SUPV3L1: variants seen among roughly 807,000 people sequenced by gnomAD.
SUPV3L1 encodes the protein Suv3 like RNA helicase, also known as ATP-dependent RNA helicase SUPV3L1, mitochondrial.
SUPV3L1 carries 35 observed loss-of-function variants against 70.0 expected under a neutral mutation model. That is an observed-to-expected ratio of 0.50 (90% confidence interval 0.38 to 0.66). The LOEUF (loss-of-function observed/expected upper bound fraction) is 0.66, where lower values mean the gene tolerates loss of function less well. SUPV3L1 is among the 30% of genes least tolerant of loss of function. SUPV3L1 has a pLI of 0.00. For missense variants in SUPV3L1, 777 were observed against 961.5 expected (o/e 0.81, Z 2.54); for synonymous variants, 364 against 341.9 (o/e 1.06, Z -0.71).
At chr10:69,183,418 C>T (rs1377119498) in intron 1 of SUPV3L1, among the ~76,000 whole-genome samples, 1 of 152,172 alleles carries the variant, frequency 6.6e-6, no homozygotes, top group African/African-American at 2.4e-5. Context: ...GTGTCTCGTG[C>T]CTGCAATCCC....
chr10:69,197,157 G>A, intron 8 of SUPV3L1, 74 bp downstream of exon 8: 3 of 1,245,886 alleles, frequency 2.4e-6, no homozygotes, highest in Middle Eastern at 1.9e-4. Context: ...GGCTTCAGAG[G>A]CCCTAGATAA....
At position 69,208,710 on chromosome 10, in the gene SUPV3L1, T is replaced by C. The variant is rs1404212496; in HGVS notation, c.2036T>C (p.Met679Thr). The change falls in exon 15 of 15, where the codon ATG (methionine) becomes ACG (threonine). Residue 679 changes from methionine (M) to threonine (T), a missense_variant. This residue lies in a region of SUPV3L1 where 619 missense variants were observed against 823.3 expected (regional missense o/e 0.75). Transcript: ENST00000359655. ...GVHNITKLIK[M>T]SETHKLLNLE... is the part of the protein sequence containing the mutation. Reference sequence around the variant, plus strand: ...CACAATATCACTAAATTGATTAAAATGTCTGAGACGCATAAGCTGTTGAAT... The same window carrying C: ...CACAATATCACTAAATTGATTAAAACGTCTGAGACGCATAAGCTGTTGAAT... 1 of 1,614,196 alleles carries C rather than the reference T, an allele frequency of 6.2e-7. No homozygotes were observed. Among genetic ancestry groups the C allele is most frequent in the East Asian group, 2.2e-5 (1 of 44,884 alleles).
chr10:69,204,502 G>A (rs1303134209), intron 13 of SUPV3L1, among the ~76,000 whole-genome samples: 1 of 152,076 alleles, frequency 6.6e-6, no homozygotes, highest in Non-Finnish European at 1.5e-5. Context: ...GATTGCTTAA[G>A]CCTAGGAGTT....
Position 69,180,277 on chromosome 10 carries a change from G to T in SUPV3L1, c.-15G>T. Reference sequence around the variant, plus strand: ...GTCCGCGGCTGCGCCAGACAGTGTAGAACCTGCGGCCTCGATGTCCTTCTC... The same window carrying T: ...GTCCGCGGCTGCGCCAGACAGTGTATAACCTGCGGCCTCGATGTCCTTCTC... On this transcript the variant is annotated 5_prime_UTR_variant, in exon 1 of 15. Coordinates refer to ENST00000359655, the MANE Select transcript of SUPV3L1 (RefSeq NM_003171.5). 1 of 1,611,956 alleles carries T rather than the reference G, an allele frequency of 6.2e-7. No homozygotes were observed. Among genetic ancestry groups the T allele is most frequent in the Non-Finnish European group, 8.5e-7 (1 of 1,179,344 alleles).
chr10:69,195,503 A>G (rs1168521108), intron 7 of SUPV3L1: 2 of 371,060 alleles, frequency 5.4e-6, no homozygotes, highest in Non-Finnish European at 9.5e-6. Flanking sequence ...TTCAAATCTC[A>G]TATTTACACA....
intron 1 of SUPV3L1, among the ~76,000 whole-genome samples, chr10:69,185,224 A>T (rs1842186105): frequency 6.6e-6 from 1 of 152,158 alleles, no homozygotes; most frequent in Non-Finnish European, 1.5e-5. Context: ...GCACAAAACA[A>T]GTGTAATCTT....
At chr10:69,182,109 C>G (rs893852544) in intron 1 of SUPV3L1, among the ~76,000 whole-genome samples, 1 of 151,740 alleles carries the variant, frequency 6.6e-6, no homozygotes, top group Non-Finnish European at 1.5e-5. Flanking sequence ...ATCCTCCTGG[C>G]TCAGCCTTCT....
chr10:69,187,534 C>A, intron 3 of SUPV3L1, 108 bp from the exon 4 acceptor site: 2 of 695,106 alleles, frequency 2.9e-6, no homozygotes, highest in Non-Finnish European at 2.4e-6. Context: ...TTTCTTTTTA[C>A]CCTGGCAGTG....
intron 6 of SUPV3L1, among the ~76,000 whole-genome samples, 166 bp from the exon 7 acceptor site, chr10:69,195,022 G>A (rs1311722084): frequency 6.6e-6 from 1 of 152,098 alleles, no homozygotes; most frequent in Non-Finnish European, 1.5e-5. Flanking sequence ...TTAAAGAGGA[G>A]GTACTTAAGA....
intron 11 of SUPV3L1, 42 bp downstream of exon 11, chr10:69,200,541 A>C (rs918968073): frequency 1.3e-6 from 2 of 1,518,774 alleles, no homozygotes; most frequent in African/African-American, 1.4e-5. Flanking sequence ...TGTGGAGGAG[A>C]GTCATTCTTT....
rs1842266132 is a variant in SUPV3L1, at chr10:69,187,546, C to T, written c.458-96C>T. 6.4e-6 allele frequency: 5 copies of T among 786,244 alleles called. No homozygotes were observed. The South Asian group carries it at 9.0e-5, about 14-fold the overall frequency. The allele number at this position is 786,244 out of a possible 1,614,324, so 48.7% of individuals were successfully genotyped here. Reference sequence around the variant, plus strand: ...ACTTTTCTTTTTACCCTGGCAGTGCCCCCGCAACTTAGCTTGTTAAGAAAA... The same window carrying T: ...ACTTTTCTTTTTACCCTGGCAGTGCTCCCGCAACTTAGCTTGTTAAGAAAA... On this transcript the variant is annotated intron_variant, in intron 3 of 14. Coordinates refer to ENST00000359655, the MANE Select transcript of SUPV3L1 (RefSeq NM_003171.5).
intron 6 of SUPV3L1, chr10:69,192,542 T>C (rs1051231701): frequency 2.6e-5 from 4 of 152,262 alleles, no homozygotes; most frequent in African/African-American, 4.8e-5. Flanking sequence ...TCTAGTCTTA[T>C]TGAAGTATCT....
chr10:69,188,137 T>C (rs1260022969), intron 4 of SUPV3L1, among the ~76,000 whole-genome samples: 1 of 152,190 alleles, frequency 6.6e-6, no homozygotes, highest in Admixed American at 6.5e-5. Flanking sequence ...ACTGAAACCC[T>C]TGGTAGGCTG....
rs1013967479 is a variant in SUPV3L1 at position 69,183,699 on chromosome 10, A to T, written c.272-2288A>T. ...CCCTGTCTCAAATAAAAAAAGAAAGATACAATTTTAATTTACATACTAGAA... is the reference window on the plus strand; with the variant it reads ...CCCTGTCTCAAATAAAAAAAGAAAGTTACAATTTTAATTTACATACTAGAA... On this transcript the variant is annotated intron_variant, in intron 1 of 14. Transcript: ENST00000359655. 2.0e-5 allele frequency among the ~76,000 whole-genome samples: 3 copies of T among 152,088 alleles called. No homozygotes were observed. In the South Asian group the frequency reaches 6.2e-4, roughly 32 times the overall value.
chr10:69,207,242 A>G (rs1842853969), intron 13 of SUPV3L1, among the ~76,000 whole-genome samples: 1 of 151,950 alleles, frequency 6.6e-6, no homozygotes, highest in African/African-American at 2.4e-5. Context: ...GGGATACCCT[A>G]TAGGTAGTGT....
At chr10:69,186,891 A>C (rs1256630063) in intron 3 of SUPV3L1, among the ~76,000 whole-genome samples, 1 of 152,040 alleles carries the variant, frequency 6.6e-6, no homozygotes, top group African/African-American at 2.4e-5. Context: ...CTTGCTATAA[A>C]AGAAAAAAAA....
chr10:69,201,418 A>G (rs1444140543), intron 11 of SUPV3L1, among the ~76,000 whole-genome samples: 1 of 151,944 alleles, frequency 6.6e-6, no homozygotes, highest in African/African-American at 2.4e-5. Context: ...AGATGTATAT[A>G]TCTATGTTAG....
At chr10:69,188,714 G>T (rs963990559) in intron 4 of SUPV3L1, among the ~76,000 whole-genome samples, 1 of 152,052 alleles carries the variant, frequency 6.6e-6, no homozygotes, top group Non-Finnish European at 1.5e-5. Flanking sequence ...GGCCAGGCTG[G>T]TCTCGAGCTC....
intron 8 of SUPV3L1, among the ~76,000 whole-genome samples, chr10:69,197,414 T>A (rs1842570595): frequency 6.6e-6 from 1 of 152,206 alleles, no homozygotes; most frequent in Non-Finnish European, 1.5e-5. Flanking sequence ...GTTTTCAAAG[T>A]GTTGTATGTC....
Sources: allele counts gnomAD v4.1 joint callset (sites outside exome capture counted in the v4.1 genomes callset), GRCh38; gene constraint gnomAD v4.1.1; regional missense constraint gnomAD v4.1.1; transcripts MANE v1.5; gene names NCBI Gene and HGNC (gene_info 2026-07-23, HGNC 2026-07-21).